PRKCA: variants seen among roughly 807,000 people sequenced by gnomAD.
The protein encoded by PRKCA is protein kinase C alpha.
Under a neutral mutation model 87.0 loss-of-function variants are expected in PRKCA, and 27 were observed. That is an observed-to-expected ratio of 0.31 (90% CI 0.23 to 0.43). PRKCA has a LOEUF of 0.43. Among genes scored for constraint, PRKCA ranks in the 20% least tolerant of loss-of-function variants. The pLI is 1.00. For missense variants in PRKCA, 518 were observed against 852.3 expected, an observed-to-expected ratio of 0.61 and a Z score of 4.88; for synonymous variants, 329 against 311.1, an observed-to-expected ratio of 1.06 and a Z score of -0.61.
At chr17:66,766,112 G>A (rs770084097) in intron 13 of PRKCA, among the ~76,000 whole-genome samples, 4 of 152,192 alleles carry the variant, frequency 2.6e-5, no homozygotes, top group East Asian at 1.9e-4. Context: ...GGCTCTATGC[G>A]GCTGATGAGG....
chr17:66,352,805 G>A (rs894749687), intron 2 of PRKCA, among the ~76,000 whole-genome samples: 5 of 151,384 alleles, frequency 3.3e-5, no homozygotes, highest in East Asian at 1.9e-4. Flanking sequence ...CTTGTGATCC[G>A]CCCGCCTCTA....
At chr17:66,420,537 A>C (rs1279450693) in intron 2 of PRKCA, among the ~76,000 whole-genome samples, 1 of 152,186 alleles carries the variant, frequency 6.6e-6, no homozygotes, top group African/African-American at 2.4e-5. Flanking sequence ...CAAGATACTT[A>C]ACATTTTATT....
chr17:66,536,789 C>T (rs1967802365), intron 3 of PRKCA, among the ~76,000 whole-genome samples: 1 of 152,226 alleles, frequency 6.6e-6, no homozygotes, highest in Admixed American at 6.5e-5. Context: ...GTGACAGATT[C>T]CTGTGGATTC....
intron 2 of PRKCA, among the ~76,000 whole-genome samples, chr17:66,495,703 T>A (rs1444300202): frequency 6.6e-6 from 1 of 151,618 alleles, no homozygotes; most frequent in African/African-American, 2.4e-5. Flanking sequence ...CAGGCGCCCA[T>A]CACTATGGCC....
At chr17:66,443,426 G>A (rs150076516) in intron 2 of PRKCA, among the ~76,000 whole-genome samples, 110 of 152,326 alleles carry the variant, frequency 7.2e-4, no homozygotes, top group African/African-American at 2.4e-3. Flanking sequence ...CTTAGATGTC[G>A]TTGTGTATTA....
At chr17:66,334,084 C>T (rs1288980815) in intron 2 of PRKCA, among the ~76,000 whole-genome samples, 1 of 152,118 alleles carries the variant, frequency 6.6e-6, no homozygotes, top group African/African-American at 2.4e-5. Context: ...AACCCCATCT[C>T]TACTAAATAT....
chr17:66,541,446 G>A (rs1007813202), intron 3 of PRKCA, among the ~76,000 whole-genome samples: 7 of 152,158 alleles, frequency 4.6e-5, no homozygotes, highest in Admixed American at 3.9e-4. Context: ...TGATTTCTGC[G>A]GCAAAGAGCA....
At chr17:66,615,285 T>C (rs896180007) in intron 3 of PRKCA, among the ~76,000 whole-genome samples, 32 of 152,140 alleles carry the variant, frequency 2.1e-4, no homozygotes, top group Non-Finnish European at 4.6e-4. Context: ...GTTTCAGGCC[T>C]CGGTGTGCCC....
chr17:66,622,696 T>C (rs1258754749), intron 3 of PRKCA, among the ~76,000 whole-genome samples: 1 of 152,222 alleles, frequency 6.6e-6, no homozygotes, highest in African/African-American at 2.4e-5. Flanking sequence ...TCTAATGGAC[T>C]CACAGTTCCA....
At chr17:66,649,048 A>C (rs2143834905) in intron 5 of PRKCA, among the ~76,000 whole-genome samples, 1 of 151,388 alleles carries the variant, frequency 6.6e-6, no homozygotes, top group South Asian at 2.1e-4. Context: ...AATGAGCCCG[A>C]GATTGTGCCA....
At chr17:66,542,522 A>G (rs574497498) in intron 3 of PRKCA, among the ~76,000 whole-genome samples, 1 of 152,206 alleles carries the variant, frequency 6.6e-6, no homozygotes, top group South Asian at 2.1e-4. Flanking sequence ...AAGGACCTGG[A>G]AAGATGTTCC....
intron 3 of PRKCA, among the ~76,000 whole-genome samples, chr17:66,621,488 G>A (rs575058877): frequency 1.3e-5 from 2 of 152,088 alleles, no homozygotes; most frequent in Non-Finnish European, 2.9e-5. Flanking sequence ...CATACCACCC[G>A]TTTTGACCAC....
chr17:66,548,354 A>G (rs1232348176), intron 3 of PRKCA, among the ~76,000 whole-genome samples: 1 of 152,124 alleles, frequency 6.6e-6, no homozygotes, highest in Non-Finnish European at 1.5e-5. Context: ...GCAGAAAGTC[A>G]TCTCCTGCCG....
At position 66,562,137 on chromosome 17, in the gene PRKCA, TTA is replaced by T. The variant is rs1458030294; in HGVS notation, c.288+65863_288+65864del. 5.3e-4 allele frequency among the ~76,000 whole-genome samples: 9 copies of T among 16,978 alleles called. 1 individual carries two copies. The highest frequency in any genetic ancestry group is 6.3e-4 in the Non-Finnish European group (7 of 11,152). The allele number at this position is 16,978 out of a possible 152,430, so 11.1% of individuals were successfully genotyped here. Reference sequence around the variant, plus strand: ...ATATAATTAAATATATATAATTAAATTATATATATAATTAAATTATATATATA... The same window carrying T: ...ATATAATTAAATATATATAATTAAATTATATATAATTAAATTATATATATA... On this transcript the variant is annotated intron_variant, in intron 3 of 16. Coordinates refer to ENST00000413366, the MANE Select transcript of PRKCA (RefSeq NM_002737.3).
chr17:66,440,093 G>A (rs953971680), intron 2 of PRKCA, among the ~76,000 whole-genome samples: 6 of 152,166 alleles, frequency 3.9e-5, no homozygotes, highest in Non-Finnish European at 7.4e-5. Flanking sequence ...TGTAGGCTTT[G>A]ATTTATTTAT....
At chr17:66,553,523 G>A (rs564829686) in intron 3 of PRKCA, among the ~76,000 whole-genome samples, 13 of 152,240 alleles carry the variant, frequency 8.5e-5, no homozygotes, top group African/African-American at 2.4e-4. Context: ...ACTAGATTTC[G>A]CGACTTGCTT....
At chr17:66,381,563 T>G (rs1463433388) in intron 2 of PRKCA, among the ~76,000 whole-genome samples, 1 of 152,208 alleles carries the variant, frequency 6.6e-6, no homozygotes, top group Non-Finnish European at 1.5e-5. Flanking sequence ...AAAGGTAGCT[T>G]GAGGCCAGTT....
chr17:66,376,333 C>T (rs1007410308), intron 2 of PRKCA, among the ~76,000 whole-genome samples: 1 of 152,124 alleles, frequency 6.6e-6, no homozygotes, highest in Non-Finnish European at 1.5e-5. Flanking sequence ...TCTGGCCTGG[C>T]GCGGTGGCTC....
Position 66,645,425 on chromosome 17 carries a change from C to T in PRKCA, c.443C>T (p.Pro148Leu). The T allele has an allele frequency of 6.2e-7, 1 of 1,614,200 alleles. No homozygotes were observed. The highest frequency in any genetic ancestry group is 8.5e-7 in the Non-Finnish European group (1 of 1,180,036). The part of the protein sequence containing the change: ...NVHKQCVINV[P>L]SLCGMDHTEK... Reference sequence around the variant, plus strand: ...CACAAGCAATGCGTCATCAATGTCCCCAGCCTCTGCGGAATGGATCACACT... The same window carrying T: ...CACAAGCAATGCGTCATCAATGTCCTCAGCCTCTGCGGAATGGATCACACT... The change falls in exon 5 of 17, where the codon CCC becomes CTC. Residue 148 changes from proline (P) to leucine (L), a missense_variant. By Grantham distance (98) the Pro-to-Leu change is moderately conservative (BLOSUM62 -3). Transcript: ENST00000413366.
Sources: gnomAD v4.1 joint callset for allele counts (sites outside exome capture counted in the v4.1 genomes callset) on GRCh38, gnomAD v4.1.1 for gene constraint, MANE v1.5 for transcripts, NCBI Gene and HGNC (gene_info 2026-07-23, HGNC 2026-07-21) for gene names.